The following CREBBP variants were observed in gnomAD, a reference collection of about 807,000 sequenced individuals.
CREBBP encodes CREB binding lysine acetyltransferase.
CREBBP carries 19 observed loss-of-function variants against 265.0 expected under a neutral mutation model. The ratio of observed to expected loss-of-function variants is 0.07; its 90% CI spans 0.05 to 0.11. CREBBP has a LOEUF of 0.11. CREBBP is among the 10% of genes least tolerant of loss of function. CREBBP has a pLI of 1.00. For synonymous variants in CREBBP, 1,457 were observed against 1,223.7 expected, an observed-to-expected ratio of 1.19 and a Z score of -3.98; for missense variants, 2,525 against 3,219.0, an observed-to-expected ratio of 0.78 and a Z score of 5.22.
chr16:3,850,162 C>T, intron 2 of CREBBP, 135 bp downstream of exon 2: 1 of 832,246 alleles, frequency 1.2e-6, no homozygotes, highest in South Asian at 1.4e-5. Context: ...AAATCTGTCT[C>T]TTCCAAGCAT....
intron 2 of CREBBP, among the ~76,000 whole-genome samples, chr16:3,844,276 C>T (rs2054622882): frequency 6.9e-6 from 1 of 145,282 alleles, no homozygotes; most frequent in African/African-American, 2.6e-5. Flanking sequence ...AAATGAGAAA[C>T]AAAATTCTAA....
chr16:3,771,552 C>T (rs2053008851), intron 13 of CREBBP, among the ~76,000 whole-genome samples: 1 of 152,176 alleles, frequency 6.6e-6, no homozygotes, highest in Non-Finnish European at 1.5e-5. Context: ...CTACAGCAGT[C>T]CCCTCATATC....
chr16:3,727,886 G>A lies in CREBBP; in HGVS notation c.7161C>T (p.Leu2387=), dbSNP rs1354388742. The A allele has an allele frequency of 3.1e-6, 5 of 1,613,422 alleles. No homozygotes were observed. In the South Asian group the frequency reaches 3.3e-5, roughly 11 times the overall value. Residue 2387 remains leucine, a synonymous_variant, in exon 31 of 31, where the codon CTC becomes CTT. Transcript: ENST00000262367. ...SPQTGSPHPG[L]AVTMASSIDQ... ...CTATGGAGCTGGCCATGGTGACTGCGAGTCCGGGGTGGGGGGAACCAGTCT... is the reference window on the plus strand; with the variant it reads ...CTATGGAGCTGGCCATGGTGACTGCAAGTCCGGGGTGGGGGGAACCAGTCT...
At position 3,770,910 on chromosome 16, in the gene CREBBP, G is replaced by C. The variant is rs2141203901; in HGVS notation, c.2540C>G (p.Pro847Arg). 1 of 1,613,834 alleles carries C rather than the reference G, an allele frequency of 6.2e-7. No homozygotes were observed. The highest frequency in any genetic ancestry group is 8.5e-7 in the Non-Finnish European group (1 of 1,180,014). Residue 847 changes from proline to arginine, a missense_variant, in exon 14 of 31, where the codon CCA (proline) becomes CGA (arginine). This residue lies in a region of CREBBP where 548 missense variants were observed against 533.0 expected (regional missense o/e 1.03). Coordinates refer to ENST00000262367, the MANE Select transcript of CREBBP (RefSeq NM_004380.3). ...TGGGTGCAGTGGTGACTGTGTCACT[G>C]GAGGGCAAGGTAGCTGGCTGGCCTG... ...GPQASQLPCP[P>R]VTQSPLHPTP...
chr16:3,794,528 A>G (rs938439776), intron 3 of CREBBP, among the ~76,000 whole-genome samples: 4 of 152,074 alleles, frequency 2.6e-5, no homozygotes, highest in Admixed American at 2.6e-4. Flanking sequence ...AATGACAGTT[A>G]GCCTTAATAC....
chr16:3,774,499 T>C lies in CREBBP; in HGVS notation c.2283+70A>G, dbSNP rs916325874. 10 of 1,602,310 alleles carry C rather than the reference T, an allele frequency of 6.2e-6. No homozygotes were observed. The African/African-American group carries it at 6.7e-5, about 11-fold the overall frequency. On this transcript the variant is annotated intron_variant, in intron 12 of 30. Transcript: ENST00000262367. Reference sequence around the variant, plus strand: ...CCACAGGATTCTCAAGTGACATGAATTCTGCTGCTTAGATAATGTTCCATG... The same window carrying C: ...CCACAGGATTCTCAAGTGACATGAACTCTGCTGCTTAGATAATGTTCCATG...
Position 3,769,448 on chromosome 16 carries a change from A to G in CREBBP, c.2881-95T>C, listed in dbSNP as rs900832382. 8 of 1,445,696 alleles carry G rather than the reference A, an allele frequency of 5.5e-6. No individual in the cohort carries two copies. In the African/African-American group the frequency reaches 8.4e-5, roughly 15 times the overall value. 89.6% of individuals were successfully genotyped at this position (1,445,696 alleles called of 1,614,324 possible). A position where few individuals can be genotyped will look rare whatever the true frequency, so the allele number is the denominator to read the frequency against. Reference sequence around the variant, plus strand: ...ATGCAACCTACAATTTCCCATTAACATTTCTCAATACTGATCCAGCAGGTG... The same window carrying G: ...ATGCAACCTACAATTTCCCATTAACGTTTCTCAATACTGATCCAGCAGGTG... On this transcript the variant is annotated intron_variant, in intron 14 of 30. Transcript: ENST00000262367.
chr16:3,795,180 A>G (rs765362581), intron 3 of CREBBP, among the ~76,000 whole-genome samples: 2 of 152,194 alleles, frequency 1.3e-5, no homozygotes, highest in Non-Finnish European at 2.9e-5. Context: ...TCAGCATCCT[A>G]GCTGAGAAGC....
intron 2 of CREBBP, among the ~76,000 whole-genome samples, chr16:3,835,602 C>T (rs572162356): frequency 3.7e-4 from 46 of 124,206 alleles, no homozygotes; most frequent in African/African-American, 1.2e-3. Context: ...TTTTTTGAGA[C>T]GGAGTCTTGC....
At chr16:3,741,405 G>T (rs1321238039) in intron 23 of CREBBP, 2 of 152,230 alleles carry the variant, frequency 1.3e-5, no homozygotes, top group Non-Finnish European at 2.9e-5. Flanking sequence ...AGATTCCTTA[G>T]CGAGCTAGAA....
intron 24 of CREBBP, 145 bp downstream of exon 24, chr16:3,740,254 C>T (rs867989814): frequency 1.1e-5 from 10 of 897,632 alleles, no homozygotes; most frequent in African/African-American, 4.9e-5. Flanking sequence ...ACAGGACAAC[C>T]GCAGCTGAGG....
intron 16 of CREBBP, among the ~76,000 whole-genome samples, chr16:3,763,623 C>T (rs1483878589): frequency 1.3e-5 from 2 of 151,826 alleles, no homozygotes; most frequent in African/African-American, 2.4e-5. Flanking sequence ...GCCACCAGGC[C>T]CGACTAATTT....
At chr16:3,740,006 G>GT (rs1266514496) in intron 24 of CREBBP, among the ~76,000 whole-genome samples, 4 of 152,236 alleles carry the variant, frequency 2.6e-5, no homozygotes, top group Non-Finnish European at 4.4e-5. Flanking sequence ...TCCACGGGGT[G>GT]TATGTTCCAA....
chr16:3,793,234 G>A (rs1476531442), intron 4 of CREBBP, 152 bp downstream of exon 4: 11 of 1,014,406 alleles, frequency 1.1e-5, no homozygotes, highest in South Asian at 9.0e-5. Context: ...CTGTCGTCGC[G>A]TGGGGAACGT....
chr16:3,782,448 C>T (rs1322824042), intron 6 of CREBBP, among the ~76,000 whole-genome samples: 1 of 152,240 alleles, frequency 6.6e-6, no homozygotes, highest in Non-Finnish European at 1.5e-5. Context: ...ACCGTCCAGA[C>T]AGAAGTGGCA....
intron 3 of CREBBP, among the ~76,000 whole-genome samples, chr16:3,794,820 T>C (rs2053576643): frequency 6.6e-6 from 1 of 152,242 alleles, no homozygotes; most frequent in South Asian, 2.1e-4. Flanking sequence ...GTGTTCCTAA[T>C]GTGCAACAGT....
intron 2 of CREBBP, among the ~76,000 whole-genome samples, chr16:3,833,162 C>T (rs1297042755): frequency 6.6e-6 from 1 of 152,224 alleles, no homozygotes; most frequent in Non-Finnish European, 1.5e-5. Flanking sequence ...CCTATAATCC[C>T]AGCACTTTGG....
At chr16:3,856,649 T>C (rs2054970073) in intron 1 of CREBBP, among the ~76,000 whole-genome samples, 1 of 152,220 alleles carries the variant, frequency 6.6e-6, no homozygotes. Context: ...GCAGTGTTCC[T>C]TAACTGATGA....
intron 1 of CREBBP, among the ~76,000 whole-genome samples, chr16:3,862,069 G>C (rs750316094): frequency 2.6e-5 from 4 of 152,186 alleles, no homozygotes; most frequent in African/African-American, 7.2e-5. Flanking sequence ...AGATAGAATA[G>C]AAGTCGGCCT....
Sources: allele counts gnomAD v4.1 joint callset (sites outside exome capture counted in the v4.1 genomes callset), GRCh38; gene constraint gnomAD v4.1.1; regional missense constraint gnomAD v4.1.1; transcripts MANE v1.5; gene names NCBI Gene and HGNC (gene_info 2026-07-23, HGNC 2026-07-21).